The following PRKCA variants were observed in gnomAD, a reference collection of about 807,000 sequenced individuals.
PRKCA encodes the protein protein kinase C alpha type.
PRKCA carries 27 observed loss-of-function variants against 87.0 expected under a neutral mutation model. The ratio of observed to expected loss-of-function variants is 0.31; its 90% confidence interval spans 0.23 to 0.43. The LOEUF (loss-of-function observed/expected upper bound fraction) is 0.43. Among genes scored for constraint, PRKCA ranks in the 20% least tolerant of loss-of-function variants. The pLI is 1.00. For synonymous variants in PRKCA, 329 were observed against 311.1 expected, an observed-to-expected ratio of 1.06 and a Z score of -0.61; for missense variants, 518 against 852.3, an observed-to-expected ratio of 0.61 and a Z score of 4.88.
rs140056785 is a variant in PRKCA, at chr17:66,540,580, G to A, written c.288+44297G>A. ...TCGGAGTGGAGTGGGGCCTCCCAGC[G>A]GGGCCCTGCTGCACTTTGTGAGTGC... is the stretch of plus-strand genomic sequence containing the variant. On this transcript the variant is annotated intron_variant, in intron 3 of 16. Transcript: ENST00000413366. Among the ~76,000 whole-genome samples, 1,224 of 152,322 alleles carry A rather than the reference G, an allele frequency of 8.0e-3. 13 individuals are homozygous for A. Among genetic ancestry groups the A allele is most frequent in the Non-Finnish European group, 0.012 (838 of 68,028 alleles).
chr17:66,399,964 C>T (rs936238589), intron 2 of PRKCA, among the ~76,000 whole-genome samples: 2 of 152,108 alleles, frequency 1.3e-5, no homozygotes, highest in African/African-American at 4.8e-5. Flanking sequence ...CTGAAATGCT[C>T]TAATGAGCAT....
intron 14 of PRKCA, among the ~76,000 whole-genome samples, chr17:66,780,632 G>A (rs1385936683): frequency 2.6e-5 from 4 of 151,948 alleles, no homozygotes; most frequent in South Asian, 4.2e-4. Flanking sequence ...AGCCATGATC[G>A]CACCACTGCA....
chr17:66,548,787 C>T (rs553632980), intron 3 of PRKCA, among the ~76,000 whole-genome samples: 2 of 146,458 alleles, frequency 1.4e-5, no homozygotes, highest in East Asian at 4.0e-4. Context: ...CTCCTAGCGC[C>T]TACCGAATAC....
Position 66,534,282 on chromosome 17 carries a change from G to A in PRKCA, c.288+37999G>A, listed in dbSNP as rs985270778. Among the ~76,000 whole-genome samples, 14 of 152,262 alleles carry A rather than the reference G, an allele frequency of 9.2e-5. No homozygotes were observed. In the East Asian group the frequency reaches 2.3e-3, roughly 25 times the overall value. The stretch of plus-strand genomic sequence containing the variant: ...CATGAGGGAGATTCCATTGTCTTCT[G>A]TGTATTCTGCTGGTATTTCATATCT... On this transcript the variant is annotated intron_variant, in intron 3 of 16. Transcript: ENST00000413366.
At chr17:66,409,840 C>T (rs773064821) in intron 2 of PRKCA, among the ~76,000 whole-genome samples, 82 of 152,152 alleles carry the variant, frequency 5.4e-4, no homozygotes, top group Non-Finnish European at 9.7e-4. Context: ...ATGTCATGAA[C>T]CTGGGAGGTG....
At chr17:66,438,547 C>T (rs1014780152) in intron 2 of PRKCA, among the ~76,000 whole-genome samples, 1 of 152,098 alleles carries the variant, frequency 6.6e-6, no homozygotes, top group African/African-American at 2.4e-5. Context: ...TTTTTAAGAA[C>T]CGGTTATTTC....
At chr17:66,427,890 A>G (rs966924802) in intron 2 of PRKCA, among the ~76,000 whole-genome samples, 1 of 152,200 alleles carries the variant, frequency 6.6e-6, no homozygotes, top group African/African-American at 2.4e-5. Context: ...CTAGATTATG[A>G]AAGTTAATGT....
chr17:66,531,700 CCT>C (rs1967548710), intron 3 of PRKCA, among the ~76,000 whole-genome samples: 1 of 152,196 alleles, frequency 6.6e-6, no homozygotes, highest in Non-Finnish European at 1.5e-5. Context: ...GTTAAATAAG[CCT>C]CTCTCACCCA....
At chr17:66,698,155 T>A (rs1972972176) in intron 8 of PRKCA, among the ~76,000 whole-genome samples, 1 of 152,154 alleles carries the variant, frequency 6.6e-6, no homozygotes, top group Non-Finnish European at 1.5e-5. Flanking sequence ...GCCTCCTTCT[T>A]CAAATGTGAA....
intron 3 of PRKCA, among the ~76,000 whole-genome samples, chr17:66,569,779 G>A (rs1022481273): frequency 1.7e-4 from 26 of 152,270 alleles, no homozygotes; most frequent in African/African-American, 6.0e-4. Context: ...AAAGACCACA[G>A]TACTAAGTGT....
chr17:66,670,234 T>C (rs1022856709), intron 5 of PRKCA, among the ~76,000 whole-genome samples: 1 of 152,168 alleles, frequency 6.6e-6, no homozygotes, highest in Non-Finnish European at 1.5e-5. Context: ...AAATTAAAAG[T>C]TCAGGGATGG....
At position 66,778,384 on chromosome 17, in the gene PRKCA, C is replaced by T. The variant is rs11654120; in HGVS notation, c.1605+4317C>T. On this transcript the variant is annotated intron_variant, in intron 14 of 16. Coordinates refer to ENST00000413366, the MANE Select transcript of PRKCA (RefSeq NM_002737.3). ...AAAAAAAATTAGCCGAGTGTGGTGG[C>T]GGGCGCCTGTAGTCCCAGCTACTCG... 2,636 of 276,460 alleles carry T rather than the reference C, an allele frequency of 9.5e-3. 19 individuals are homozygous for T. The highest frequency in any genetic ancestry group is 0.013 in the Middle Eastern group (7 of 546). 17.1% of individuals were successfully genotyped at this position (276,460 alleles called of 1,614,324 possible). A position where few individuals can be genotyped will look rare whatever the true frequency, so the allele number is the denominator to read the frequency against.
intron 16 of PRKCA, chr17:66,796,616 A>C (rs1027739221): frequency 1.0e-6 from 1 of 985,156 alleles, no homozygotes; most frequent in South Asian, 4.7e-5. Flanking sequence ...GAGCATGCTA[A>C]TCTTCAGAGA....
At chr17:66,749,873 A>C (rs905819930) in intron 13 of PRKCA, among the ~76,000 whole-genome samples, 3 of 152,194 alleles carry the variant, frequency 2.0e-5, no homozygotes, top group African/African-American at 7.2e-5. Flanking sequence ...AGTGCAGAGA[A>C]GGGCCACACC....
chr17:66,766,729 A>C (rs1480915542), intron 13 of PRKCA, among the ~76,000 whole-genome samples: 1 of 150,236 alleles, frequency 6.7e-6, no homozygotes, highest in Non-Finnish European at 1.5e-5. Flanking sequence ...AATTGCTTGA[A>C]CCCGGGAGGC....
intron 2 of PRKCA, among the ~76,000 whole-genome samples, chr17:66,329,108 GT>G (rs1410608679): frequency 6.6e-6 from 1 of 152,202 alleles, no homozygotes; most frequent in Non-Finnish European, 1.5e-5. Context: ...CCTCATTCTG[GT>G]GAGAGACTTG....
intron 5 of PRKCA, among the ~76,000 whole-genome samples, chr17:66,651,045 G>A (rs552133838): frequency 6.6e-6 from 1 of 152,254 alleles, no homozygotes; most frequent in South Asian, 2.1e-4. Flanking sequence ...TTTGGGAGAA[G>A]GGGAGCCTCA....
intron 4 of PRKCA, among the ~76,000 whole-genome samples, chr17:66,642,823 A>G (rs1971340255): frequency 6.6e-6 from 1 of 152,100 alleles, no homozygotes; most frequent in African/African-American, 2.4e-5. Flanking sequence ...CGGGAGGATC[A>G]CCTGAGGTTA....
chr17:66,382,013 A>T (rs963086809), intron 2 of PRKCA, among the ~76,000 whole-genome samples: 6 of 152,150 alleles, frequency 3.9e-5, no homozygotes, highest in Non-Finnish European at 8.8e-5. Context: ...TGTGAGAGAG[A>T]TGGTGATGTC....
Sources: allele counts gnomAD v4.1 joint callset (sites outside exome capture counted in the v4.1 genomes callset), GRCh38; gene constraint gnomAD v4.1.1; transcripts MANE v1.5; gene names NCBI Gene and HGNC (gene_info 2026-07-23, HGNC 2026-07-21).